KLRG1: variants seen among roughly 807,000 people sequenced by gnomAD.
KLRG1 encodes the protein killer cell lectin like receptor G1, also known as killer cell lectin-like receptor subfamily G member 1.
In KLRG1, 16 loss-of-function variants were observed where a neutral mutation model predicts 21.8. The observed-to-expected ratio is 0.73, with a 90% CI of 0.50 to 1.11. KLRG1 has a LOEUF of 1.11. KLRG1 is among the 50% of genes most tolerant of loss of function. KLRG1 has a pLI of 0.00. For missense variants in KLRG1, 173 were observed against 218.3 expected, an observed-to-expected ratio of 0.79 and a Z score of 1.31; for synonymous variants, 69 against 75.9, an observed-to-expected ratio of 0.91 and a Z score of 0.47.
the KLRG1 span, among the ~76,000 whole-genome samples, chr12:9,131,491 A>G: frequency 6.6e-6 from 1 of 152,076 alleles, no homozygotes; most frequent in Non-Finnish European, 1.5e-5. Context: ...TATTCTAGTT[A>G]TCACTTCAAT....
chr12:9,171,925 A>G, the KLRG1 span, among the ~76,000 whole-genome samples: 3 of 152,242 alleles, frequency 2.0e-5, no homozygotes, highest in Non-Finnish European at 4.4e-5. Context: ...ACTTCAGGAT[A>G]TCATCCAGGA....
intron 1 of KLRG1, among the ~76,000 whole-genome samples, chr12:8,962,551 C>CA (rs890064859): frequency 6.6e-6 from 1 of 151,066 alleles, no homozygotes; most frequent in Non-Finnish European, 1.5e-5. Flanking sequence ...CCATCTCTAC[C>CA]AAAAAAATAC....
intron 3 of KLRG1, among the ~76,000 whole-genome samples, chr12:9,000,943 A>G (rs1355876905): frequency 1.3e-5 from 2 of 152,224 alleles, no homozygotes; most frequent in Non-Finnish European, 2.9e-5. Flanking sequence ...AATTATAGGG[A>G]AAATTCTTAT....
chr12:8,966,476 TCAAA>T (rs1565537484), intron 1 of KLRG1, among the ~76,000 whole-genome samples: 2 of 151,580 alleles, frequency 1.3e-5, no homozygotes, highest in Non-Finnish European at 2.9e-5. Context: ...TACAATGAAC[TCAAA>T]CAAATTTACA....
At chr12:9,142,808 T>G in the KLRG1 span, among the ~76,000 whole-genome samples, 1 of 152,126 alleles carries the variant, frequency 6.6e-6, no homozygotes, top group Admixed American at 6.6e-5. Flanking sequence ...TTTTGAGAGG[T>G]ACTTATTTAC....
chr12:9,072,558 C>T, the KLRG1 span: 3 of 1,599,886 alleles, frequency 1.9e-6, no homozygotes, highest in Non-Finnish European at 2.6e-6. Flanking sequence ...CTAACCCTTT[C>T]TCTGATCTGT....
the KLRG1 span, chr12:9,152,820 T>C: frequency 6.2e-7 from 1 of 1,614,052 alleles, no homozygotes; most frequent in South Asian, 1.1e-5. Context: ...TTAGAACGTC[T>C]TACCTGATGG....
chr12:9,012,949 G>T (rs931563578), downstream of KLRG1, among the ~76,000 whole-genome samples: 8 of 152,162 alleles, frequency 5.3e-5, no homozygotes, highest in Non-Finnish European at 1.2e-4. Flanking sequence ...TCCAAGTTGT[G>T]GTGGCCACTA....
chr12:9,016,675 C>G, the KLRG1 span, among the ~76,000 whole-genome samples: 2 of 152,254 alleles, frequency 1.3e-5, no homozygotes, highest in South Asian at 4.1e-4. Context: ...TGCAGTGGCA[C>G]GATCTCGGCC....
intron 1 of KLRG1, among the ~76,000 whole-genome samples, chr12:8,957,948 T>C (rs961109629): frequency 6.6e-6 from 1 of 152,256 alleles, no homozygotes; most frequent in African/African-American, 2.4e-5. Context: ...CACCTGCAGA[T>C]AAGGGTGGGG....
At chr12:9,191,920 T>C in the KLRG1 span, among the ~76,000 whole-genome samples, 1 of 152,142 alleles carries the variant, frequency 6.6e-6, no homozygotes, top group Non-Finnish European at 1.5e-5. Context: ...CAGCTTAGAT[T>C]TTGAAAAGAG....
At chr12:9,034,120 C>T in the KLRG1 span, among the ~76,000 whole-genome samples, 33 of 152,284 alleles carry the variant, frequency 2.2e-4, no homozygotes, top group Non-Finnish European at 3.7e-4. Context: ...GAAGCAGAAC[C>T]AGTAGAAGAG....
the KLRG1 span, chr12:9,165,090 G>A: frequency 1.9e-6 from 3 of 1,572,432 alleles, no homozygotes; most frequent in Middle Eastern, 1.7e-4. Flanking sequence ...ACTGATCAAA[G>A]GAATCTTTTG....
At chr12:9,109,288 C>G in the KLRG1 span, 5 of 1,524,834 alleles carry the variant, frequency 3.3e-6, no homozygotes, top group South Asian at 5.7e-5. Context: ...TTTAAATAAT[C>G]CCCCACAAAA....
chr12:9,182,099 A>G, the KLRG1 span: 3 of 1,571,448 alleles, frequency 1.9e-6, no homozygotes, highest in South Asian at 3.4e-5. Context: ...AGGGAAGGAT[A>G]AGGCAAAACT....
At chr12:9,171,670 G>A in the KLRG1 span, among the ~76,000 whole-genome samples, 14 of 152,284 alleles carry the variant, frequency 9.2e-5, no homozygotes, top group East Asian at 1.9e-4. Context: ...GCTGAAAACC[G>A]CATCTCAAGA....
chr12:9,093,477 A>G, the KLRG1 span: 1 of 1,613,728 alleles, frequency 6.2e-7, no homozygotes, highest in Middle Eastern at 1.7e-4. Flanking sequence ...TACCACCACC[A>G]AATCCCAGAT....
At chr12:9,065,403 C>G in the KLRG1 span, among the ~76,000 whole-genome samples, 3 of 152,278 alleles carry the variant, frequency 2.0e-5, no homozygotes. Context: ...TGCCTGGCTT[C>G]TCTCCACTGT....
At chr12:9,075,956 A>C in the KLRG1 span, among the ~76,000 whole-genome samples, 1 of 152,214 alleles carries the variant, frequency 6.6e-6, no homozygotes, top group Non-Finnish European at 1.5e-5. Flanking sequence ...AAGAAGAATT[A>C]ATGGCTGTCA....
Sources: gnomAD v4.1 joint callset for allele counts (sites outside exome capture counted in the v4.1 genomes callset) on GRCh38, gnomAD v4.1.1 for gene constraint, MANE v1.5 for transcripts, NCBI Gene and HGNC (gene_info 2026-07-23, HGNC 2026-07-21) for gene names.